COL22A1: variants seen among roughly 807,000 people sequenced by gnomAD.
The protein encoded by COL22A1 is collagen alpha-1(XXII) chain.
Under a neutral mutation model 248.9 loss-of-function variants are expected in COL22A1, and 221 were observed. That is an observed-to-expected ratio of 0.89 (90% confidence interval 0.80 to 0.99). COL22A1 has a LOEUF of 0.99. COL22A1 is among the 50% of genes least tolerant of loss of function. The pLI, the probability that COL22A1 is intolerant of heterozygous loss-of-function variation, is 0.00. For synonymous variants in COL22A1, 891 were observed against 793.4 expected (o/e 1.12, Z -2.07); for missense variants, 2,240 against 2,179.0 (o/e 1.03, Z -0.56).
Position 138,637,494 on chromosome 8 carries a change from A to G in COL22A1, c.3502-699T>C, listed in dbSNP as rs567861411. Among the ~76,000 whole-genome samples, 4 of 152,314 alleles carry G rather than the reference A, an allele frequency of 2.6e-5. No homozygotes were observed. The East Asian group carries it at 7.7e-4, about 29-fold the overall frequency. ...CAAGAACAAGAAAACAATGATGCCT[A>G]CCCTGTGAAAATGTTAGAGAATAAA... On this transcript the variant is annotated intron_variant, in intron 47 of 64. Coordinates refer to ENST00000303045, the MANE Select transcript of COL22A1 (RefSeq NM_152888.3).
intron 31 of COL22A1, among the ~76,000 whole-genome samples, chr8:138,701,445 C>T (rs1245962298): frequency 6.6e-6 from 1 of 152,182 alleles, no homozygotes; most frequent in African/African-American, 2.4e-5. Flanking sequence ...AAAAAAGTAG[C>T]TTCCTATATC....
At position 138,811,883 on chromosome 8, in the gene COL22A1, G is replaced by GGGTGGA. The variant is rs548885226; in HGVS notation, c.1359_1364dup (p.Pro456_Pro457dup). 0.011 allele frequency: 16,978 copies of GGGTGGA among 1,568,754 alleles called. 109 individuals carry two copies. Among genetic ancestry groups the GGGTGGA allele is most frequent in the Non-Finnish European group, 0.013 (15,518 of 1,157,532 alleles). On this transcript the variant is annotated inframe_insertion, in exon 9 of 65. Transcript: ENST00000303045. ...CTGGGGTGGGAGGCCGCTGGGGTGG[G>GGGTGGA]GGTGGAGGTGGAGGCTCTGTCACCA...
Position 138,878,074 on chromosome 8 carries a change from C to T in COL22A1, c.334G>A (p.Gly112Arg). Reference sequence around the variant, plus strand: ...GCGTCTCCCGTGTTGGTGTTGCCCCCGTGGTAGGCGAGACGCCGGGCAGCC... The same window carrying T: ...GCGTCTCCCGTGTTGGTGTTGCCCCTGTGGTAGGCGAGACGCCGGGCAGCC... ...KAAARRLAYH[G>R]GNTNTGDALR... Residue 112 changes from glycine (G) to arginine (R), a missense_variant, in exon 3 of 65, where the codon GGG (glycine) becomes AGG (arginine). Coordinates refer to ENST00000303045, the MANE Select transcript of COL22A1 (RefSeq NM_152888.3). The T allele has an allele frequency of 6.3e-7, 1 of 1,598,008 alleles. No homozygotes were observed. The highest frequency in any genetic ancestry group is 8.5e-7 in the Non-Finnish European group (1 of 1,173,170).
At chr8:138,803,449 G>A (rs946390021) in intron 10 of COL22A1, among the ~76,000 whole-genome samples, 3 of 152,058 alleles carry the variant, frequency 2.0e-5, no homozygotes, top group African/African-American at 4.8e-5. Context: ...AGACGAGATC[G>A]GGCATGGCAC....
At chr8:138,623,667 AGTAGTT>A in intron 52 of COL22A1, 59 bp downstream of exon 52, 1 of 1,392,530 alleles carries the variant, frequency 7.2e-7, no homozygotes, top group Non-Finnish European at 1.0e-6. Flanking sequence ...CCTCACACAA[AGTAGTT>A]GTTTTTGACA....
At chr8:138,726,311 G>T (rs887227340) in intron 23 of COL22A1, among the ~76,000 whole-genome samples, 1 of 151,976 alleles carries the variant, frequency 6.6e-6, no homozygotes, top group East Asian at 1.9e-4. Flanking sequence ...GGGCAAAATA[G>T]CAAGACCCTA....
intron 23 of COL22A1, among the ~76,000 whole-genome samples, chr8:138,731,603 GTT>G (rs1325967131): frequency 6.6e-6 from 1 of 152,050 alleles, no homozygotes; most frequent in African/African-American, 2.4e-5. Flanking sequence ...GATGGATTCA[GTT>G]TTGATCTATT....
At chr8:138,868,420 T>C (rs1823065093) in intron 3 of COL22A1, among the ~76,000 whole-genome samples, 2 of 152,150 alleles carry the variant, frequency 1.3e-5, no homozygotes, top group South Asian at 2.1e-4. Context: ...ATATAATACA[T>C]GTATGGTATT....
At chr8:138,913,269 A>G (rs1169435783) in intron 1 of COL22A1, among the ~76,000 whole-genome samples, 2 of 151,762 alleles carry the variant, frequency 1.3e-5, no homozygotes, top group Non-Finnish European at 2.9e-5. Flanking sequence ...CAACTACTTT[A>G]AAGTATTATA....
At chr8:138,710,002 T>C (rs2131045007) in intron 30 of COL22A1, among the ~76,000 whole-genome samples, 1 of 152,258 alleles carries the variant, frequency 6.6e-6, no homozygotes, top group South Asian at 2.1e-4. Context: ...CTCAGGAACC[T>C]GGGGGGAACA....
In COL22A1 at chr8:138,606,413, G is replaced by A; in HGVS notation, c.4072C>T (p.Leu1358Phe). 6.2e-7 allele frequency: 1 copy of A among 1,613,636 alleles called. No individual in the cohort carries two copies. Among genetic ancestry groups the A allele is most frequent in the Non-Finnish European group, 8.5e-7 (1 of 1,179,892 alleles). ...CCACGGGGACCCAGGAAGCCAGGAA[G>A]TCCTGGGCTGCCATTTTCCCCTTTG... The part of the protein sequence containing the change: ...GSKGENGSPG[L>F]PGFLGPRGPP... The change falls in exon 58 of 65, where the codon CTT (leucine) becomes TTT (phenylalanine). Residue 1358 changes from leucine (L) to phenylalanine (F), a missense_variant. By Grantham distance (22) the Leu-to-Phe change is conservative. Transcript: ENST00000303045.
At chr8:138,759,087 TAAA>T (rs1042772192) in intron 18 of COL22A1, among the ~76,000 whole-genome samples, 1 of 152,196 alleles carries the variant, frequency 6.6e-6, no homozygotes, top group Non-Finnish European at 1.5e-5. Context: ...ATCTCAACTC[TAAA>T]AATACTTAGA....
At chr8:138,635,850 C>T (rs1263598315) in intron 48 of COL22A1, among the ~76,000 whole-genome samples, 1 of 152,194 alleles carries the variant, frequency 6.6e-6, no homozygotes, top group Non-Finnish European at 1.5e-5. Context: ...AGCCAAGGAG[C>T]TCATTCAGAC....
intron 3 of COL22A1, among the ~76,000 whole-genome samples, chr8:138,857,466 C>G (rs1046701399): frequency 6.6e-6 from 1 of 152,228 alleles, no homozygotes; most frequent in Non-Finnish European, 1.5e-5. Context: ...GCCCAGGCAC[C>G]TATGGTCTCC....
chr8:138,745,461 G>A (rs2318341), intron 22 of COL22A1, among the ~76,000 whole-genome samples: 31,471 of 151,942 alleles, frequency 0.21, 3,702 homozygotes, highest in African/African-American at 0.31. Flanking sequence ...CTATTTATGC[G>A]TATTTTATAG....
intron 3 of COL22A1, among the ~76,000 whole-genome samples, chr8:138,866,988 C>T (rs753260916): frequency 2.6e-5 from 4 of 152,248 alleles, no homozygotes; most frequent in Middle Eastern, 3.4e-3. Context: ...TCCAAGGGCA[C>T]CTTGGGAGCT....
chr8:138,747,033 A>C (rs1177061251), intron 22 of COL22A1, among the ~76,000 whole-genome samples: 1 of 152,222 alleles, frequency 6.6e-6, no homozygotes, highest in Non-Finnish European at 1.5e-5. Flanking sequence ...CTGGAACCTG[A>C]CATTATTTGA....
chr8:138,881,231 C>A (rs1012732172), intron 2 of COL22A1, among the ~76,000 whole-genome samples: 1 of 149,892 alleles, frequency 6.7e-6, no homozygotes, highest in Non-Finnish European at 1.5e-5. Flanking sequence ...TCTCATGTTC[C>A]CTGCGTATAA....
intron 4 of COL22A1, among the ~76,000 whole-genome samples, chr8:138,834,043 G>A (rs1820250588): frequency 1.3e-5 from 2 of 152,190 alleles, no homozygotes; most frequent in Non-Finnish European, 1.5e-5. Flanking sequence ...AGCACACGCT[G>A]TCCACATTCC....
Sources: gnomAD v4.1 joint callset for allele counts (sites outside exome capture counted in the v4.1 genomes callset) on GRCh38, gnomAD v4.1.1 for gene constraint, MANE v1.5 for transcripts, NCBI Gene and HGNC (gene_info 2026-07-23, HGNC 2026-07-21) for gene names.